CCDC7: variants seen among roughly 807,000 people sequenced by gnomAD.
CCDC7 encodes the protein coiled-coil domain-containing protein 7.
In CCDC7, 183 loss-of-function variants were observed where a neutral mutation model predicts 196.9. The ratio of observed to expected loss-of-function variants is 0.93; its 90% confidence interval spans 0.82 to 1.05. The LOEUF (loss-of-function observed/expected upper bound fraction) is 1.05, where lower values mean the gene tolerates loss of function less well. Among genes scored for constraint, CCDC7 ranks in the 50% least tolerant of loss-of-function variants. The pLI is 0.00. For missense variants in CCDC7, 1,540 were observed against 1,482.2 expected (o/e 1.04, Z -0.64); for synonymous variants, 525 against 484.6 (o/e 1.08, Z -1.10).
At chr10:32,505,483 G>A (rs1422996457) in intron 9 of CCDC7, among the ~76,000 whole-genome samples, 1 of 152,114 alleles carries the variant, frequency 6.6e-6, no homozygotes, top group Non-Finnish European at 1.5e-5. Flanking sequence ...GTTTCAGAGA[G>A]CACGGGGTTG....
intron 21 of CCDC7, among the ~76,000 whole-genome samples, chr10:32,677,153 G>A (rs969845681): frequency 1.1e-4 from 16 of 143,370 alleles, no homozygotes; most frequent in African/African-American, 3.9e-4. Flanking sequence ...CTCATAGGTG[G>A]GAATTGAACA....
intron 13 of CCDC7, among the ~76,000 whole-genome samples, chr10:32,555,513 G>A (rs556250662): frequency 6.6e-6 from 1 of 152,194 alleles, no homozygotes; most frequent in African/African-American, 2.4e-5. Context: ...CAAAGTGCTG[G>A]TATTACAGGT....
Position 32,729,000 on chromosome 10 carries a change from G to T in CCDC7, c.2779+3G>T. On this transcript the variant is annotated splice_donor_region_variant and intron_variant, in intron 27 of 41. Transcript: ENST00000639629. Reference sequence around the variant, plus strand: ...TTCTGGAGTGGAAAGACACAAGAGTGAGTATAATAATTATCGATAACTTTA... The same window carrying T: ...TTCTGGAGTGGAAAGACACAAGAGTTAGTATAATAATTATCGATAACTTTA... The T allele has an allele frequency of 6.5e-7, 1 of 1,543,832 alleles. No individual in the cohort carries two copies. Among genetic ancestry groups the T allele is most frequent in the South Asian group, 1.1e-5 (1 of 88,132 alleles).
chr10:32,457,940 AT>A (rs200314231), intron 3 of CCDC7, among the ~76,000 whole-genome samples: 2,676 of 150,760 alleles, frequency 0.018, 83 homozygotes, highest in African/African-American at 0.061. Context: ...TGTTAGATGA[AT>A]TTTTTTTTGC....
intron 28 of CCDC7, among the ~76,000 whole-genome samples, chr10:32,763,169 T>C (rs73243834): frequency 0.053 from 8,052 of 151,860 alleles, 710 homozygotes; most frequent in African/African-American, 0.18. Flanking sequence ...AACAGCAAAA[T>C]GACAATAATA....
chr10:32,667,146 A>G (rs908938254), intron 21 of CCDC7, among the ~76,000 whole-genome samples: 1 of 149,976 alleles, frequency 6.7e-6, no homozygotes, highest in African/African-American at 2.4e-5. Flanking sequence ...GCATTTTGTC[A>G]TGTGGCTGCA....
chr10:32,608,938 G>C (rs924438266), intron 18 of CCDC7, among the ~76,000 whole-genome samples: 2 of 152,108 alleles, frequency 1.3e-5, no homozygotes, highest in South Asian at 2.1e-4. Context: ...AGATCCTCTT[G>C]CTATTAGTTT....
chr10:32,691,091 A>G (rs1229680723), intron 23 of CCDC7, among the ~76,000 whole-genome samples: 3 of 152,180 alleles, frequency 2.0e-5, no homozygotes, highest in Admixed American at 6.5e-5. Context: ...CTTACGATAC[A>G]TTCTCAGATT....
chr10:32,575,329 A>G (rs1416634351), intron 16 of CCDC7, among the ~76,000 whole-genome samples: 2 of 152,218 alleles, frequency 1.3e-5, no homozygotes, highest in East Asian at 3.8e-4. Flanking sequence ...TCCTCAGTTA[A>G]CTGTTACACA....
At chr10:32,878,018 TC>T (rs2094650882), downstream of CCDC7, among the ~76,000 whole-genome samples, 1 of 152,008 alleles carries the variant, frequency 6.6e-6, no homozygotes, top group Non-Finnish European at 1.5e-5. Flanking sequence ...ATTCAAGCTA[TC>T]TTGGCTTCAT....
chr10:32,534,578 T>C (rs1290132803), intron 11 of CCDC7, among the ~76,000 whole-genome samples: 1 of 152,118 alleles, frequency 6.6e-6, no homozygotes, highest in African/African-American at 2.4e-5. Flanking sequence ...GGTTTGCTGC[T>C]TTTTTGGGGG....
chr10:32,516,539 C>T (rs1448232270), intron 9 of CCDC7, among the ~76,000 whole-genome samples: 8 of 152,092 alleles, frequency 5.3e-5, no homozygotes, highest in Admixed American at 2.6e-4. Flanking sequence ...CTTCCTGCCT[C>T]GGTCTCCCAA....
At chr10:32,856,521 C>T (rs970914842) in intron 41 of CCDC7, among the ~76,000 whole-genome samples, 14 of 152,108 alleles carry the variant, frequency 9.2e-5, no homozygotes, top group African/African-American at 1.2e-4. Context: ...TGAGGTGCCC[C>T]ACCTCCCTAG....
intron 41 of CCDC7, among the ~76,000 whole-genome samples, chr10:32,871,056 CT>C (rs1236460660): frequency 2.6e-5 from 4 of 152,124 alleles, no homozygotes; most frequent in African/African-American, 9.6e-5. Context: ...CTAAAATTCT[CT>C]TTTTTTGTTT....
Position 32,473,954 on chromosome 10 carries a change from A to T in CCDC7, c.740-13A>T. 1 of 1,601,708 alleles carries T rather than the reference A, an allele frequency of 6.2e-7. No homozygotes were observed. Among genetic ancestry groups the T allele is most frequent in the Non-Finnish European group, 8.5e-7 (1 of 1,175,144 alleles). On this transcript the variant is annotated splice_polypyrimidine_tract_variant and intron_variant, in intron 7 of 41. Transcript: ENST00000639629. ...GTTTGAAGTTTATAGTGACAAATAC[A>T]CTTTTACTTCAGAATTCTTAGAAGC...
chr10:32,543,433 ATT>A (rs1340639162), intron 12 of CCDC7, 48 bp downstream of exon 13: 7 of 1,235,288 alleles, frequency 5.7e-6, no homozygotes, highest in Admixed American at 3.6e-5. Context: ...GTTAATTTAT[ATT>A]TTCTTTTTAT....
At chr10:32,504,244 G>A (rs2044530410) in intron 9 of CCDC7, among the ~76,000 whole-genome samples, 3 of 151,058 alleles carry the variant, frequency 2.0e-5, no homozygotes, top group South Asian at 4.2e-4. Context: ...AGCCTCCTGA[G>A]TAGCTGAGAC....
exon 23 of CCDC7, chr10:32,882,695 T>C (rs903252580): frequency 6.6e-6 from 1 of 152,182 alleles, no homozygotes; most frequent in Admixed American, 6.5e-5. Context: ...ATTTTCAGAA[T>C]GTGTCTTTAC....
At chr10:32,686,110 A>T in intron 22 of CCDC7, 30 bp downstream of exon 23, 1 of 1,056,410 alleles carries the variant, frequency 9.5e-7, no homozygotes, top group Non-Finnish European at 1.4e-6. Flanking sequence ...ATAACTTTAC[A>T]TTATTTTAAA....
Sources: allele counts gnomAD v4.1 joint callset (sites outside exome capture counted in the v4.1 genomes callset), GRCh38; gene constraint gnomAD v4.1.1; transcripts MANE v1.5; gene names NCBI Gene and HGNC (gene_info 2026-07-23, HGNC 2026-07-21).